The following PLK5 variants were observed in gnomAD, a reference collection of about 807,000 sequenced individuals.
PLK5 encodes the protein inactive serine/threonine-protein kinase PLK5.
Under a neutral mutation model 33.7 loss-of-function variants are expected in PLK5, and 28 were observed. The ratio of observed to expected loss-of-function variants is 0.83; its 90% CI spans 0.62 to 1.14. PLK5 has a LOEUF of 1.14. PLK5 is among the 50% of genes most tolerant of loss of function. The pLI, the probability that PLK5 is intolerant of heterozygous loss-of-function variation, is 0.00. For missense variants in PLK5, 492 were observed against 461.5 expected, an observed-to-expected ratio of 1.07 and a Z score of -0.61; for synonymous variants, 225 against 202.2, an observed-to-expected ratio of 1.11 and a Z score of -0.96.
intron 11 of PLK5, among the ~76,000 whole-genome samples, chr19:1,531,527 G>A (rs1378482501): frequency 1.3e-5 from 2 of 152,182 alleles, no homozygotes; most frequent in African/African-American, 4.8e-5. Context: ...GTATCCCACA[G>A]TCTCCCTCTG....
At chr19:1,533,702 C>T (rs891501775) in intron 12 of PLK5, 1 of 596,134 alleles carries the variant, frequency 1.7e-6, no homozygotes, top group Non-Finnish European at 3.0e-6. Context: ...GACAGAGGCC[C>T]TGTGTCCTGG....
At chr19:1,530,886 A>G (rs529126794) in intron 11 of PLK5, among the ~76,000 whole-genome samples, 19 of 151,564 alleles carry the variant, frequency 1.3e-4, no homozygotes, top group African/African-American at 3.6e-4. Flanking sequence ...CCAAAGTGCT[A>G]GGATTACAGG....
chr19:1,529,062 C>T (rs974191593), intron 9 of PLK5, 88 bp downstream of exon 9: 7 of 1,214,644 alleles, frequency 5.8e-6, no homozygotes, highest in Non-Finnish European at 7.8e-6. Context: ...GCCGGCTTCT[C>T]TGAACCCCTT....
chr19:1,529,858 A>T, intron 11 of PLK5, 34 bp downstream of exon 11: 1 of 1,523,854 alleles, frequency 6.6e-7, no homozygotes, highest in South Asian at 1.2e-5. Context: ...GATCACCTTT[A>T]CTCTTACTAG....
In PLK5 at chr19:1,524,767, TAGG is replaced by T. The variant is rs200412023; in HGVS notation, c.-544+524_-544+526del. On this transcript the variant is annotated intron_variant, in intron 1 of 13. Transcript: ENST00000454744. This position sits in a 1 kb window ranked among gnomAD's most constrained non-coding sequence, Gnocchi z 4.5. ...TTTGTGTGTTCATATGTGGTGTGTC[TAGG>T]AGTTGTGTGTTCATGTGTTTGTATC... Among the ~76,000 whole-genome samples, 7,109 of 151,872 alleles carry T rather than the reference TAGG, an allele frequency of 0.047. 525 individuals are homozygous for T. The highest frequency in any genetic ancestry group is 0.16 in the African/African-American group (6,613 of 41,354).
In PLK5 at chr19:1,535,443, A is replaced by G; in HGVS notation, c.*193A>G. The G allele has an allele frequency of 3.4e-6, 2 of 591,256 alleles. No homozygotes were observed. The highest frequency in any genetic ancestry group is 2.8e-6 in the Non-Finnish European group (1 of 359,046). 36.6% of individuals were successfully genotyped at this position (591,256 alleles called of 1,614,324 possible). The stretch of plus-strand genomic sequence containing the variant: ...ATCTCTTCCTTTTTCATTAAAGACA[A>G]TTTGAAATGCTGTAGGCCATGGTCT... On this transcript the variant is annotated 3_prime_UTR_variant, in exon 14 of 14. Transcript: ENST00000454744.
At position 1,530,325 on chromosome 19, in the gene PLK5, C is replaced by G. The variant is rs190489525; in HGVS notation, c.568+501C>G. On this transcript the variant is annotated intron_variant, in intron 11 of 13. Transcript: ENST00000454744. ...TTTCTTTTTTTTTAAGAGACGGAATCTCACTCTGTTGCCTAGGCTGGAGTG... is the reference window on the plus strand; with the variant it reads ...TTTCTTTTTTTTTAAGAGACGGAATGTCACTCTGTTGCCTAGGCTGGAGTG... Among the ~76,000 whole-genome samples the G allele has an allele frequency of 9.9e-5, 15 of 152,214 alleles. No individual in the cohort carries two copies. In the East Asian group the frequency reaches 2.7e-3, roughly 27 times the overall value.
chr19:1,527,095 G>T, intron 6 of PLK5, 97 bp downstream of exon 6: 2 of 1,308,492 alleles, frequency 1.5e-6, no homozygotes, highest in South Asian at 1.4e-5. Flanking sequence ...CGTTGTGCAG[G>T]GTGGGGCGCG....
At chr19:1,527,440 A>C (rs1447140143) in intron 6 of PLK5, among the ~76,000 whole-genome samples, 4 of 152,046 alleles carry the variant, frequency 2.6e-5, no homozygotes, top group Non-Finnish European at 5.9e-5. Context: ...TGTCTCTACA[A>C]AAATTACAAA....
rs1913872394 is a variant in PLK5, at chr19:1,529,765, G to A, written c.509G>A (p.Arg170Gln). 1 of 1,536,012 alleles carries A rather than the reference G, an allele frequency of 6.5e-7. No individual in the cohort carries two copies. The highest frequency in any genetic ancestry group is 1.2e-5 in the South Asian group (1 of 84,052). ...TTCCCAGGGCCCGAGGGGAGCCGGC[G>A]GCCAGAGGTGGAGGCGGCCCTCAGA... The part of the protein sequence containing the change: ...SDLAGPEGSR[R>Q]PEVEAALRHL... Residue 170 changes from arginine to glutamine, a missense_variant, in exon 11 of 14, where the codon CGG (arginine) becomes CAG (glutamine). By Grantham distance (43) the Arg-to-Gln change is conservative. Transcript: ENST00000454744.
chr19:1,534,581 A>G (rs1241289338), intron 13 of PLK5, among the ~76,000 whole-genome samples: 6 of 150,404 alleles, frequency 4.0e-5, no homozygotes, highest in Admixed American at 1.3e-4. Flanking sequence ...CGAGGTGGGC[A>G]GATCACGAGG....
At chr19:1,534,135 A>T in intron 13 of PLK5, 94 bp downstream of exon 13, 4 of 821,028 alleles carry the variant, frequency 4.9e-6, no homozygotes, top group Non-Finnish European at 5.6e-6. Context: ...GGGGAGCCTT[A>T]GGAAGCATTT....
At position 1,526,627 on chromosome 19, in the gene PLK5, G is replaced by T. The variant is rs1913749307; in HGVS notation, c.-183+12G>T. On this transcript the variant is annotated intron_variant, in intron 4 of 13. Coordinates refer to ENST00000454744, the MANE Select transcript of PLK5 (RefSeq NM_001243079.2). Reference sequence around the variant, plus strand: ...CGACCTGAAGCTCAGTGAGTGCCAGGAAGGGGAACTGTGGGCGGGGGCGTC... The same window carrying T: ...CGACCTGAAGCTCAGTGAGTGCCAGTAAGGGGAACTGTGGGCGGGGGCGTC... The T allele has an allele frequency of 5.4e-6, 2 of 367,322 alleles. No homozygotes were observed. Among genetic ancestry groups the T allele is most frequent in the Non-Finnish European group, 1.0e-5 (2 of 192,602 alleles). 22.8% of individuals were successfully genotyped at this position (367,322 alleles called of 1,614,324 possible).
chr19:1,528,759 C>T (rs1451890782), intron 8 of PLK5, 139 bp from the exon 9 acceptor site: 2 of 838,176 alleles, frequency 2.4e-6, no homozygotes, highest in Non-Finnish European at 1.8e-6. Context: ...TCCCGCCTGC[C>T]CACACCTCCC....
intron 12 of PLK5, among the ~76,000 whole-genome samples, chr19:1,532,946 G>A (rs265287): frequency 0.029 from 4,442 of 151,506 alleles, 238 homozygotes; most frequent in African/African-American, 0.1. Flanking sequence ...GATTACAGGC[G>A]TGAGCCACCG....
intron 12 of PLK5, among the ~76,000 whole-genome samples, chr19:1,532,918 G>C (rs189258716): frequency 4.6e-5 from 7 of 150,994 alleles, no homozygotes; most frequent in African/African-American, 1.7e-4. Flanking sequence ...TGCCCGCCTC[G>C]GCCTCCCAAA....
intron 6 of PLK5, among the ~76,000 whole-genome samples, 184 bp downstream of exon 6, chr19:1,527,182 G>C (rs28658093): frequency 0.33 from 49,893 of 151,768 alleles, 8,768 homozygotes; most frequent in Middle Eastern, 0.44. Flanking sequence ...GAGGACGGGG[G>C]AGGGTGTGCA....
At chr19:1,534,989 T>C in intron 13 of PLK5, 76 bp from the exon 14 acceptor site, 3 of 1,321,382 alleles carry the variant, frequency 2.3e-6, no homozygotes, top group Non-Finnish European at 3.0e-6. Flanking sequence ...TGTCCACTTG[T>C]CCTTCTGGAG....
intron 12 of PLK5, 93 bp from the exon 13 acceptor site, chr19:1,533,838 G>T: frequency 9.7e-7 from 1 of 1,028,590 alleles, no homozygotes; most frequent in Non-Finnish European, 1.4e-6. Flanking sequence ...CTGCGGCGGC[G>T]GCTGCGGGAG....
Sources: allele counts gnomAD v4.1 joint callset (sites outside exome capture counted in the v4.1 genomes callset), GRCh38; gene constraint gnomAD v4.1.1; non-coding constraint Gnocchi (gnomAD v3.1); transcripts MANE v1.5; gene names NCBI Gene and HGNC (gene_info 2026-07-23, HGNC 2026-07-21).